The following GNAQ variants were observed in gnomAD, a reference collection of about 807,000 sequenced individuals.
GNAQ encodes G protein subunit alpha q, also known as guanine nucleotide-binding protein G(q) subunit alpha.
In GNAQ, 8 loss-of-function variants were observed where a neutral mutation model predicts 43.9. The ratio of observed to expected loss-of-function variants is 0.18; its 90% CI spans 0.11 to 0.33. The LOEUF (loss-of-function observed/expected upper bound fraction) is 0.33. Ranked by LOEUF, GNAQ falls within the 10% of genes least tolerant of loss-of-function variation. GNAQ has a pLI of 1.00. For missense variants in GNAQ, 158 were observed against 450.8 expected (o/e 0.35, Z 5.88); for synonymous variants, 155 against 170.7 (o/e 0.91, Z 0.71).
At chr9:77,965,498 CA>C (rs556635647) in intron 1 of GNAQ, among the ~76,000 whole-genome samples, 12 of 150,966 alleles carry the variant, frequency 7.9e-5, no homozygotes, top group East Asian at 1.9e-4. Flanking sequence ...TATTAATACA[CA>C]AAAAAAATAA....
chr9:77,953,247 C>T (rs1281339017), intron 1 of GNAQ, among the ~76,000 whole-genome samples: 1 of 152,132 alleles, frequency 6.6e-6, no homozygotes, highest in East Asian at 1.9e-4. Flanking sequence ...AAATGTAGGA[C>T]CAGGTCTATT....
At chr9:77,782,874 G>A (rs1826416656) in intron 5 of GNAQ, among the ~76,000 whole-genome samples, 4 of 152,208 alleles carry the variant, frequency 2.6e-5, no homozygotes, top group African/African-American at 9.6e-5. Context: ...GGAGAAGCTA[G>A]ATGGAAGAAG....
intron 1 of GNAQ, among the ~76,000 whole-genome samples, chr9:77,982,263 G>C (rs143930886): frequency 2.0e-5 from 3 of 152,212 alleles, no homozygotes; most frequent in Non-Finnish European, 4.4e-5. Context: ...TCTTTGTAGG[G>C]AGGTGTGGGC....
chr9:77,873,180 G>A (rs941083023), intron 2 of GNAQ, among the ~76,000 whole-genome samples: 1 of 152,166 alleles, frequency 6.6e-6, no homozygotes, highest in Non-Finnish European at 1.5e-5. Context: ...TGTAATAATG[G>A]TGGCAAACAG....
chr9:77,739,333 A>G (rs926529319), intron 5 of GNAQ, among the ~76,000 whole-genome samples: 5 of 152,266 alleles, frequency 3.3e-5, no homozygotes, highest in African/African-American at 7.2e-5. Context: ...TCTCTTTTCG[A>G]GAATTGTCTG....
chr9:77,944,931 T>G (rs1259776039), intron 1 of GNAQ, among the ~76,000 whole-genome samples: 2 of 152,214 alleles, frequency 1.3e-5, no homozygotes, highest in African/African-American at 4.8e-5. Context: ...ACTCTGCTCA[T>G]GTGGGCTGTC....
At chr9:77,939,375 A>G (rs1442606658) in intron 1 of GNAQ, among the ~76,000 whole-genome samples, 1 of 152,218 alleles carries the variant, frequency 6.6e-6, no homozygotes, top group Non-Finnish European at 1.5e-5. Flanking sequence ...ATGAAGAACT[A>G]AATATGTTTA....
intron 2 of GNAQ, among the ~76,000 whole-genome samples, chr9:77,891,120 C>T (rs902902330): frequency 1.3e-5 from 2 of 152,166 alleles, no homozygotes; most frequent in Non-Finnish European, 2.9e-5. Flanking sequence ...GCACTGAAGT[C>T]AGCACTTAAG....
intron 2 of GNAQ, among the ~76,000 whole-genome samples, chr9:77,864,172 T>C (rs2117994854): frequency 6.6e-6 from 1 of 150,554 alleles, no homozygotes; most frequent in East Asian, 2.0e-4. Context: ...GCCAGGCTTT[T>C]TTTTTTTTTT....
chr9:77,784,383 T>C (rs182178909), intron 5 of GNAQ, among the ~76,000 whole-genome samples: 51 of 152,168 alleles, frequency 3.4e-4, no homozygotes, highest in Non-Finnish European at 6.5e-4. Context: ...CATAAACGGG[T>C]TATTCCTACC....
chr9:77,934,621 T>C (rs1829205123), intron 1 of GNAQ, among the ~76,000 whole-genome samples: 1 of 152,106 alleles, frequency 6.6e-6, no homozygotes, highest in African/African-American at 2.4e-5. Flanking sequence ...GCTAATATTA[T>C]CCCAGTAATT....
chr9:77,759,686 G>T (rs1264981828), intron 5 of GNAQ, among the ~76,000 whole-genome samples: 1 of 152,058 alleles, frequency 6.6e-6, no homozygotes, highest in Admixed American at 6.5e-5. Context: ...TTGTGAAAAG[G>T]CCAGACAAGA....
chr9:77,963,539 G>GA (rs879488110), intron 1 of GNAQ, among the ~76,000 whole-genome samples: 55 of 151,792 alleles, frequency 3.6e-4, no homozygotes, highest in Admixed American at 8.5e-4. Flanking sequence ...GTACGATCCT[G>GA]AAAAAAAAGC....
chr9:77,978,583 T>C (rs1222311424), intron 1 of GNAQ, among the ~76,000 whole-genome samples: 1 of 152,194 alleles, frequency 6.6e-6, no homozygotes, highest in African/African-American at 2.4e-5. Context: ...ATAAACTATT[T>C]AGCTACATCC....
At chr9:77,975,919 T>C (rs184268538) in intron 1 of GNAQ, among the ~76,000 whole-genome samples, 24 of 152,212 alleles carry the variant, frequency 1.6e-4, no homozygotes, top group Non-Finnish European at 7.3e-5. Flanking sequence ...GGATTCAGTG[T>C]GTTCTTTTGA....
At chr9:77,964,037 C>T (rs1052877165) in intron 1 of GNAQ, among the ~76,000 whole-genome samples, 9 of 152,076 alleles carry the variant, frequency 5.9e-5, no homozygotes, top group African/African-American at 2.2e-4. Context: ...AAAAGTGTCT[C>T]GAACGTGATG....
At chr9:77,903,748 C>T (rs1460646610) in intron 2 of GNAQ, among the ~76,000 whole-genome samples, 3 of 151,958 alleles carry the variant, frequency 2.0e-5, no homozygotes, top group African/African-American at 7.3e-5. Flanking sequence ...TATACACACA[C>T]ACACATATAT....
At chr9:78,013,388 G>T (rs1451424339) in intron 1 of GNAQ, among the ~76,000 whole-genome samples, 2 of 150,500 alleles carry the variant, frequency 1.3e-5, no homozygotes, top group African/African-American at 2.5e-5. Flanking sequence ...ATGTATACAT[G>T]TACCGTGTTG....
At chr9:77,754,256 C>T (rs1037705545) in intron 5 of GNAQ, among the ~76,000 whole-genome samples, 1 of 152,144 alleles carries the variant, frequency 6.6e-6, no homozygotes, top group Admixed American at 6.5e-5. Flanking sequence ...TGCTTTCCTG[C>T]CACACTGCAT....
Sources: gnomAD v4.1 joint callset for allele counts (sites outside exome capture counted in the v4.1 genomes callset) on GRCh38, gnomAD v4.1.1 for gene constraint, MANE v1.5 for transcripts, NCBI Gene and HGNC (gene_info 2026-07-23, HGNC 2026-07-21) for gene names.